The following SSH2 variants were observed in gnomAD, a reference collection of about 807,000 sequenced individuals.
SSH2 encodes the protein protein phosphatase Slingshot homolog 2.
Under a neutral mutation model 135.2 loss-of-function variants are expected in SSH2, and 37 were observed. The ratio of observed to expected loss-of-function variants is 0.27; its 90% CI spans 0.21 to 0.36. SSH2 has a LOEUF of 0.36. SSH2 is among the 10% of genes least tolerant of loss of function. SSH2 has a pLI of 1.00. For missense variants in SSH2, 1,408 were observed against 1,765.3 expected, an observed-to-expected ratio of 0.80 and a Z score of 3.63; for synonymous variants, 628 against 646.2, an observed-to-expected ratio of 0.97 and a Z score of 0.43.
At chr17:29,904,433 C>CT (rs1415269742) in intron 1 of SSH2, among the ~76,000 whole-genome samples, 1 of 152,128 alleles carries the variant, frequency 6.6e-6, no homozygotes, top group African/African-American at 2.4e-5. Context: ...AAGAAAAGGC[C>CT]TTTGATAAAA....
chr17:29,709,482 G>A (rs1162427674), intron 3 of SSH2, among the ~76,000 whole-genome samples: 1 of 152,100 alleles, frequency 6.6e-6, no homozygotes, highest in African/African-American at 2.4e-5. Context: ...TTCAAAACCA[G>A]CCTGGCCATC....
intron 3 of SSH2, among the ~76,000 whole-genome samples, chr17:29,726,492 G>A (rs996522968): frequency 3.9e-5 from 6 of 152,244 alleles, no homozygotes; most frequent in South Asian, 2.1e-4. Flanking sequence ...TTGGAAGAGG[G>A]GTGAAACTTA....
intron 1 of SSH2, among the ~76,000 whole-genome samples, chr17:29,902,071 A>G (rs1599166938): frequency 6.6e-6 from 1 of 152,046 alleles, no homozygotes; most frequent in African/African-American, 2.4e-5. Context: ...ACAGGCATAA[A>G]CCACCCTGTC....
chr17:29,673,813 TATC>T (rs1438782312), intron 8 of SSH2: 2 of 311,622 alleles, frequency 6.4e-6, no homozygotes, highest in African/African-American at 4.3e-5. Flanking sequence ...CTTTACAGCC[TATC>T]ATCAACATCT....
rs543292406 is a variant in SSH2, at chr17:29,637,283, G to C, written c.1428-481C>G. On this transcript the variant is annotated intron_variant, in intron 14 of 15. Transcript: ENST00000540801. ...CTGGCTAATTTTTGTATTTTTAGTA[G>C]AGATGGGGTTTCGCCATGTTGACCA... 2.6e-4 allele frequency among the ~76,000 whole-genome samples: 40 copies of C among 152,210 alleles called. No homozygotes were observed. In the South Asian group the frequency reaches 8.1e-3, roughly 31 times the overall value.
chr17:29,923,498 GGT>G (rs1270107359), intron 1 of SSH2, among the ~76,000 whole-genome samples: 1 of 151,602 alleles, frequency 6.6e-6, no homozygotes, highest in Non-Finnish European at 1.5e-5. Context: ...GCATATCTAT[GGT>G]CCCAGCTTTT....
chr17:29,708,382 G>T (rs924073394), intron 3 of SSH2, among the ~76,000 whole-genome samples: 1 of 152,068 alleles, frequency 6.6e-6, no homozygotes, highest in African/African-American at 2.4e-5. Context: ...GAGGTCAGGA[G>T]TTCGAGATCA....
At chr17:29,916,438 C>T (rs1422140708) in intron 1 of SSH2, among the ~76,000 whole-genome samples, 1 of 151,736 alleles carries the variant, frequency 6.6e-6, no homozygotes, top group Non-Finnish European at 1.5e-5. Context: ...ACTGCCACTG[C>T]ATCATGTTGT....
intron 1 of SSH2, among the ~76,000 whole-genome samples, chr17:29,907,829 T>C (rs1196672089): frequency 2.6e-5 from 4 of 151,678 alleles, no homozygotes; most frequent in Admixed American, 1.3e-4. Context: ...TTTTTTTTTT[T>C]TTTTTTTGAG....
intron 2 of SSH2, among the ~76,000 whole-genome samples, chr17:29,810,798 A>G (rs1244654628): frequency 6.6e-6 from 1 of 152,238 alleles, no homozygotes; most frequent in Non-Finnish European, 1.5e-5. Context: ...TTAGTCTTCC[A>G]AATGACTTTG....
chr17:29,773,420 C>A lies in SSH2; in HGVS notation c.188+20474G>T, dbSNP rs183807532. The stretch of plus-strand genomic sequence containing the variant: ...AACATTTTAATTTTACCTGGGAAAT[C>A]TTTTGTTTTTCAGAAATCTTGTTTT... On this transcript the variant is annotated intron_variant, in intron 3 of 15. Coordinates refer to ENST00000540801, the MANE Select transcript of SSH2 (RefSeq NM_001282129.2). Among the ~76,000 whole-genome samples, 3 of 152,066 alleles carry A rather than the reference C, an allele frequency of 2.0e-5. No individual in the cohort carries two copies. In the East Asian group the frequency reaches 5.8e-4, roughly 29 times the overall value.
At chr17:29,715,059 G>T (rs1311665017) in intron 3 of SSH2, among the ~76,000 whole-genome samples, 2 of 151,900 alleles carry the variant, frequency 1.3e-5, no homozygotes, top group Non-Finnish European at 2.9e-5. Context: ...TAGAGACGGG[G>T]TTTCACCATG....
chr17:29,679,358 A>G (rs1395594424), intron 6 of SSH2, among the ~76,000 whole-genome samples: 2 of 151,750 alleles, frequency 1.3e-5, no homozygotes, highest in African/African-American at 2.4e-5. Flanking sequence ...GGGCTCTGGA[A>G]CCTGGTTTCT....
intron 3 of SSH2, among the ~76,000 whole-genome samples, chr17:29,783,426 C>T (rs2041887233): frequency 6.6e-6 from 1 of 151,402 alleles, no homozygotes; most frequent in African/African-American, 2.4e-5. Flanking sequence ...AAGAGCCAGT[C>T]CGAGTCCCAA....
At chr17:29,813,111 G>A (rs934384911) in intron 2 of SSH2, among the ~76,000 whole-genome samples, 1 of 152,300 alleles carries the variant, frequency 6.6e-6, no homozygotes, top group Non-Finnish European at 1.5e-5. Flanking sequence ...GGCAGGGCAC[G>A]GTGGCTCACG....
At chr17:29,723,553 T>C (rs1160945015) in intron 3 of SSH2, among the ~76,000 whole-genome samples, 1 of 152,158 alleles carries the variant, frequency 6.6e-6, no homozygotes, top group East Asian at 1.9e-4. Flanking sequence ...CAAAACCTCT[T>C]CTCTGGTACA....
At chr17:29,745,418 T>C (rs1301886612) in intron 3 of SSH2, among the ~76,000 whole-genome samples, 1 of 152,140 alleles carries the variant, frequency 6.6e-6, no homozygotes, top group African/African-American at 2.4e-5. Flanking sequence ...CCTCGGCCTC[T>C]GAAAGTGCTG....
intron 3 of SSH2, among the ~76,000 whole-genome samples, chr17:29,744,920 A>T (rs886472966): frequency 6.6e-6 from 1 of 151,754 alleles, no homozygotes; most frequent in South Asian, 2.1e-4. Flanking sequence ...AACAAACCAT[A>T]AAGCCACTAG....
chr17:29,776,397 G>T (rs1287920157), intron 3 of SSH2: 1 of 152,140 alleles, frequency 6.6e-6, no homozygotes, highest in Non-Finnish European at 1.5e-5. Flanking sequence ...AGAAGGTTGT[G>T]GTCATAAAGA....
Sources: allele counts gnomAD v4.1 joint callset (sites outside exome capture counted in the v4.1 genomes callset), GRCh38; gene constraint gnomAD v4.1.1; transcripts MANE v1.5; gene names NCBI Gene and HGNC (gene_info 2026-07-23, HGNC 2026-07-21).